KCNMA1: variants seen among roughly 807,000 people sequenced by gnomAD.
KCNMA1 encodes potassium calcium-activated channel subfamily M alpha 1, also known as Calcium-activated potassium channel subunit alpha-1.
A neutral mutation model predicts 140.0 loss-of-function variants in KCNMA1; 29 were observed. The observed-to-expected ratio is 0.21, with a 90% CI of 0.15 to 0.28. KCNMA1 has a LOEUF of 0.28. KCNMA1 is among the 10% of genes least tolerant of loss of function. KCNMA1 has a pLI of 1.00. For missense variants in KCNMA1, 880 were observed against 1,602.2 expected (o/e 0.55, Z 7.70); for synonymous variants, 612 against 611.9 (o/e 1.00, Z 0.00).
chr10:76,885,794 A>G lies in KCNMA1; in HGVS notation c.*1472T>C. Reference sequence around the variant, plus strand: ...GCATCTGACAACTATATGTTGAAAAAAGGGTATTTTTCTACCTCTCCTCTC... The same window carrying G: ...GCATCTGACAACTATATGTTGAAAAGAGGGTATTTTTCTACCTCTCCTCTC... On this transcript the variant is annotated 3_prime_UTR_variant, in exon 28 of 28. Coordinates refer to ENST00000286628, the MANE Select transcript of KCNMA1 (RefSeq NM_001161352.2). 1.0e-6 allele frequency: 1 copy of G among 985,258 alleles called. No homozygotes were observed. Among genetic ancestry groups the G allele is most frequent in the East Asian group, 1.1e-4 (1 of 8,816 alleles). The allele number at this position is 985,258 out of a possible 1,614,324, so 61.0% of individuals were successfully genotyped here.
chr10:77,397,397 T>A (rs143239827), intron 2 of KCNMA1, among the ~76,000 whole-genome samples: 7 of 152,236 alleles, frequency 4.6e-5, no homozygotes, highest in Non-Finnish European at 7.3e-5. Context: ...TTTTGGGGGA[T>A]GCATGTGATA....
At chr10:77,466,939 G>T (rs2154526847) in intron 1 of KCNMA1, among the ~76,000 whole-genome samples, 2 of 151,340 alleles carry the variant, frequency 1.3e-5, no homozygotes, top group South Asian at 4.2e-4. Context: ...AGGGGGGAAA[G>T]GGGAGGAGAG....
At chr10:77,223,056 C>T (rs1486146524) in intron 3 of KCNMA1, among the ~76,000 whole-genome samples, 2 of 151,794 alleles carry the variant, frequency 1.3e-5, no homozygotes, top group African/African-American at 2.4e-5. Context: ...GGTGAAACCC[C>T]GTCTCTACTA....
At chr10:77,136,588 T>G (rs1211794908) in intron 5 of KCNMA1, among the ~76,000 whole-genome samples, 1 of 41,904 alleles carries the variant, frequency 2.4e-5, no homozygotes, top group Non-Finnish European at 4.0e-5. Context: ...AAATTGGAAA[T>G]GCTGAAAAAA....
intron 23 of KCNMA1, among the ~76,000 whole-genome samples, chr10:76,943,466 A>G (rs981155677): frequency 8.5e-5 from 13 of 152,192 alleles, no homozygotes; most frequent in Admixed American, 7.2e-4. Context: ...TGTGAATCTC[A>G]AGATCCTCAG....
Position 77,273,420 on chromosome 10 carries a change from T to C in KCNMA1, c.541-22164A>G, listed in dbSNP as rs1355031280. Among the ~76,000 whole-genome samples, 6 of 152,212 alleles carry C rather than the reference T, an allele frequency of 3.9e-5. No individual in the cohort carries two copies. The East Asian group carries it at 1.2e-3, about 29-fold the overall frequency. ...GTACTTATTACATTACATGAAGAGC[T>C]TATTATGATAAGCTATTATACTTGC... On this transcript the variant is annotated intron_variant, in intron 2 of 27. Coordinates refer to ENST00000286628, the MANE Select transcript of KCNMA1 (RefSeq NM_001161352.2).
chr10:77,384,785 G>A (rs956823676), intron 2 of KCNMA1, among the ~76,000 whole-genome samples: 1 of 152,254 alleles, frequency 6.6e-6, no homozygotes, highest in Non-Finnish European at 1.5e-5. Context: ...TCTATGGCAA[G>A]CCTCTGGTTT....
At chr10:77,156,794 A>C (rs531402) in intron 5 of KCNMA1, among the ~76,000 whole-genome samples, 48,443 of 151,964 alleles carry the variant, frequency 0.32, 9,631 homozygotes, top group East Asian at 0.9. Context: ...GACTGACCCC[A>C]CCTGGACCCA....
chr10:76,870,894 C>T (rs1015490826), exon 28 of KCNMA1: 3 of 152,386 alleles, frequency 2.0e-5, no homozygotes, highest in African/African-American at 7.2e-5. Flanking sequence ...GCCTCACCAT[C>T]TCCAACACCT....
chr10:77,441,555 C>G (rs987361932), intron 1 of KCNMA1, among the ~76,000 whole-genome samples: 2 of 152,012 alleles, frequency 1.3e-5, no homozygotes. Context: ...GATCCAAAGT[C>G]CCCCCACCCC....
At chr10:77,236,146 C>T (rs937761986) in intron 3 of KCNMA1, among the ~76,000 whole-genome samples, 3 of 152,204 alleles carry the variant, frequency 2.0e-5, no homozygotes, top group East Asian at 1.9e-4. Flanking sequence ...CTCCGAGGCC[C>T]GGGCGAACTT....
chr10:77,127,132 G>C (rs904713126), intron 5 of KCNMA1, among the ~76,000 whole-genome samples: 1 of 148,732 alleles, frequency 6.7e-6, no homozygotes, highest in Non-Finnish European at 1.5e-5. Flanking sequence ...AGTACATATA[G>C]TGTTACTATT....
At position 77,269,075 on chromosome 10, in the gene KCNMA1, G is replaced by A. The variant is rs544979338; in HGVS notation, c.541-17819C>T. On this transcript the variant is annotated intron_variant, in intron 2 of 27. Coordinates refer to ENST00000286628, the MANE Select transcript of KCNMA1 (RefSeq NM_001161352.2). ...CAAGTGAAGAACTGCCCCAGTTCTG[G>A]CTCAAGGAGTTGGTGGTCACTCCTT... is the stretch of plus-strand genomic sequence containing the variant. Among the ~76,000 whole-genome samples the A allele has an allele frequency of 4.6e-5, 7 of 152,278 alleles. No homozygotes were observed. In the East Asian group the frequency reaches 7.7e-4, roughly 17 times the overall value.
intron 14 of KCNMA1, among the ~76,000 whole-genome samples, chr10:77,070,589 T>C (rs1051098051): frequency 6.6e-6 from 1 of 152,150 alleles, no homozygotes; most frequent in Non-Finnish European, 1.5e-5. Flanking sequence ...GAAATATTGA[T>C]GAATTCTCCG....
intron 2 of KCNMA1, among the ~76,000 whole-genome samples, chr10:77,340,584 C>A (rs1010240581): frequency 3.9e-5 from 6 of 152,004 alleles, no homozygotes; most frequent in African/African-American, 1.5e-4. Context: ...AAGCTGGAAA[C>A]CGTCATTCTC....
At chr10:77,096,525 GC>G (rs2096936743) in intron 9 of KCNMA1, among the ~76,000 whole-genome samples, 1 of 152,192 alleles carries the variant, frequency 6.6e-6, no homozygotes, top group African/African-American at 2.4e-5. Flanking sequence ...TTCTGCGAGG[GC>G]GGGGAGGCCT....
At chr10:77,325,401 G>A (rs528541790) in intron 2 of KCNMA1, among the ~76,000 whole-genome samples, 14 of 152,198 alleles carry the variant, frequency 9.2e-5, no homozygotes, top group Non-Finnish European at 1.9e-4. Flanking sequence ...ATCAGCCTTT[G>A]CATGGAGTGA....
At chr10:77,545,445 G>C (rs1378503014) in intron 1 of KCNMA1, among the ~76,000 whole-genome samples, 1 of 152,184 alleles carries the variant, frequency 6.6e-6, no homozygotes, top group Non-Finnish European at 1.5e-5. Context: ...GAATCACTGA[G>C]GGAATCGCTG....
chr10:76,953,791 C>T lies in KCNMA1; in HGVS notation c.2484+10G>A. ...AGCGGGCAACATCAGATGCACAGTC[C>T]CTCACTCACCAGGATGACTTTCTCT... On this transcript the variant is annotated intron_variant, in intron 21 of 27. Coordinates refer to ENST00000286628, the MANE Select transcript of KCNMA1 (RefSeq NM_001161352.2). 3 of 1,613,888 alleles carry T rather than the reference C, an allele frequency of 1.9e-6. No homozygotes were observed. The South Asian group carries it at 3.3e-5, about 18-fold the overall frequency.
Sources: gnomAD v4.1 joint callset for allele counts (sites outside exome capture counted in the v4.1 genomes callset) on GRCh38, gnomAD v4.1.1 for gene constraint, MANE v1.5 for transcripts, NCBI Gene and HGNC (gene_info 2026-07-23, HGNC 2026-07-21) for gene names.